Variants in SORCS2 observed in about 807,000 individuals in gnomAD.
SORCS2 encodes sortilin related VPS10 domain containing receptor 2, also known as VPS10 domain-containing receptor SorCS2.
A neutral mutation model predicts 141.6 loss-of-function variants in SORCS2; 100 were observed. That is an observed-to-expected ratio of 0.71 (90% CI 0.60 to 0.83). The LOEUF is 0.83. SORCS2 is among the 40% of genes least tolerant of loss of function. SORCS2 has a pLI of 0.00. For synonymous variants in SORCS2, 789 were observed against 676.9 expected, an observed-to-expected ratio of 1.17 and a Z score of -2.57; for missense variants, 1,646 against 1,560.2, an observed-to-expected ratio of 1.05 and a Z score of -0.93.
chr4:7,722,933 C>T (rs914051147), intron 18 of SORCS2, among the ~76,000 whole-genome samples: 15 of 151,942 alleles, frequency 9.9e-5, no homozygotes, highest in African/African-American at 2.2e-4. Flanking sequence ...CCCCTGGTGC[C>T]GGCGAGGGAG....
intron 21 of SORCS2, among the ~76,000 whole-genome samples, chr4:7,727,434 C>A (rs972524135): frequency 1.3e-5 from 2 of 152,094 alleles, no homozygotes; most frequent in Admixed American, 6.5e-5. Context: ...GAGACCCCCC[C>A]CCCCCTTGTC....
At chr4:7,619,086 T>C (rs1718965555) in intron 3 of SORCS2, among the ~76,000 whole-genome samples, 1 of 152,140 alleles carries the variant, frequency 6.6e-6, no homozygotes, top group African/African-American at 2.4e-5. Flanking sequence ...GTGCTACGTG[T>C]CTCTGGGCAA....
At chr4:7,254,719 C>T (rs995949900) in intron 1 of SORCS2, among the ~76,000 whole-genome samples, 3 of 152,196 alleles carry the variant, frequency 2.0e-5, no homozygotes, top group African/African-American at 4.8e-5. Context: ...TTTGGATGCT[C>T]TGAGCAGTGC....
At chr4:7,194,402 G>GC (rs754436456) in intron 1 of SORCS2, among the ~76,000 whole-genome samples, 10 of 152,192 alleles carry the variant, frequency 6.6e-5, no homozygotes, top group Non-Finnish European at 1.2e-4. Flanking sequence ...CTGGAGGAGG[G>GC]ATGAGGTGGG....
intron 3 of SORCS2, among the ~76,000 whole-genome samples, chr4:7,592,668 A>C (rs1434362240): frequency 6.6e-6 from 1 of 152,220 alleles, no homozygotes; most frequent in East Asian, 1.9e-4. Context: ...TGTGTGGAGC[A>C]GGGCTGTGCC....
At chr4:7,292,626 T>A (rs1164100515) in intron 1 of SORCS2, among the ~76,000 whole-genome samples, 3 of 152,218 alleles carry the variant, frequency 2.0e-5, no homozygotes, top group East Asian at 3.9e-4. Flanking sequence ...AGAGAAGACC[T>A]GGATCACTGA....
chr4:7,426,345 A>T (rs1201302762), intron 2 of SORCS2, among the ~76,000 whole-genome samples: 1 of 149,876 alleles, frequency 6.7e-6, no homozygotes, highest in African/African-American at 2.5e-5. Context: ...CAGGTCAGGG[A>T]GACAGTCCAG....
intron 1 of SORCS2, among the ~76,000 whole-genome samples, chr4:7,351,863 C>T (rs976848382): frequency 5.3e-5 from 8 of 152,094 alleles, no homozygotes; most frequent in Non-Finnish European, 1.0e-4. Context: ...TCAATCCATT[C>T]ATCCCCCATC....
At chr4:7,272,293 A>G (rs987361976) in intron 1 of SORCS2, among the ~76,000 whole-genome samples, 3 of 152,208 alleles carry the variant, frequency 2.0e-5, no homozygotes, top group Admixed American at 1.3e-4. Flanking sequence ...TTCAAAGCGT[A>G]TATTTCATAT....
At position 7,288,791 on chromosome 4, in the gene SORCS2, TG is replaced by T. The variant is rs770898060; in HGVS notation, c.480+95674del. ...CATCAATACAGGAATTCATGTGGGG[TG>T]GGGGGGGGAGTTGGGGAGGGCACAG... On this transcript the variant is annotated intron_variant, in intron 1 of 26. Coordinates refer to ENST00000507866, the MANE Select transcript of SORCS2 (RefSeq NM_020777.3). 0.024 allele frequency among the ~76,000 whole-genome samples: 730 copies of T among 30,906 alleles called. 21 individuals carry two copies. In the East Asian group the frequency reaches 0.26, roughly 11 times the overall value. 20.3% of individuals were successfully genotyped at this position (30,906 alleles called of 152,430 possible).
intron 1 of SORCS2, among the ~76,000 whole-genome samples, chr4:7,222,391 A>C (rs1316024476): frequency 1.3e-5 from 2 of 152,224 alleles, no homozygotes. Context: ...ACGAACAGCC[A>C]CATACTGTAT....
intron 2 of SORCS2, among the ~76,000 whole-genome samples, chr4:7,471,561 G>A (rs564553203): frequency 1.1e-4 from 16 of 151,784 alleles, no homozygotes; most frequent in South Asian, 2.1e-4. Context: ...GCCCTCCAGC[G>A]GGGCTCGCCG....
chr4:7,339,398 C>A (rs565809579), intron 1 of SORCS2, among the ~76,000 whole-genome samples: 3 of 152,242 alleles, frequency 2.0e-5, no homozygotes, highest in African/African-American at 7.2e-5. Context: ...CAAAGTACCA[C>A]GGGCAGTTCT....
intron 4 of SORCS2, among the ~76,000 whole-genome samples, chr4:7,646,550 G>A (rs1721092543): frequency 6.6e-6 from 1 of 152,138 alleles, no homozygotes; most frequent in Non-Finnish European, 1.5e-5. Flanking sequence ...GATCGATTGA[G>A]CCCAGGAGTT....
intron 15 of SORCS2, among the ~76,000 whole-genome samples, chr4:7,713,882 T>A (rs984978623): frequency 6.6e-6 from 1 of 152,190 alleles, no homozygotes; most frequent in African/African-American, 2.4e-5. Context: ...GATTGTCCCC[T>A]GAGGACCCAC....
At position 7,718,111 on chromosome 4, in the gene SORCS2, G is replaced by A. The variant is rs770866142; in HGVS notation, c.2352G>A (p.Gln784=). ...QCPLTPPRGL[Q]VSIQGEAVAV... ...CCCTCACGCCGCCCCGGGGCCTGCA[G>A]GTCAGCATTCAAGGCGAGGCGGTGG... Residue 784 remains glutamine (Q), a synonymous_variant, in exon 18 of 27, where the codon CAG becomes CAA. Transcript: ENST00000507866. The A allele has an allele frequency of 4.3e-6, 7 of 1,612,246 alleles. No individual in the cohort carries two copies. The South Asian group carries it at 7.7e-5, about 18-fold the overall frequency.
At chr4:7,721,553 C>T (rs1325046296) in intron 18 of SORCS2, among the ~76,000 whole-genome samples, 3 of 152,144 alleles carry the variant, frequency 2.0e-5, no homozygotes. Flanking sequence ...CCACATGATC[C>T]CCTGCTGTGC....
chr4:7,621,415 T>TTGTG (rs59645194), intron 3 of SORCS2, among the ~76,000 whole-genome samples: 4 of 149,268 alleles, frequency 2.7e-5, no homozygotes, highest in African/African-American at 9.8e-5. Flanking sequence ...GTGTGCATGT[T>TTGTG]TGTGTGTGTG....
At chr4:7,713,435 T>C (rs1486679002) in intron 15 of SORCS2, among the ~76,000 whole-genome samples, 1 of 152,052 alleles carries the variant, frequency 6.6e-6, no homozygotes, top group African/African-American at 2.4e-5. Context: ...AATGATTTAA[T>C]GGTACTTGTT....
Sources: gnomAD v4.1 joint callset for allele counts (sites outside exome capture counted in the v4.1 genomes callset) on GRCh38, gnomAD v4.1.1 for gene constraint, MANE v1.5 for transcripts, NCBI Gene and HGNC (gene_info 2026-07-23, HGNC 2026-07-21) for gene names.